The following CRISP1 variants were observed in gnomAD, a reference collection of about 807,000 sequenced individuals.
CRISP1 encodes the protein cysteine rich secretory protein 1.
In CRISP1, 44 loss-of-function variants were observed where a neutral mutation model predicts 33.1. That is an observed-to-expected ratio of 1.33 (90% CI 1.05 to 1.71). The LOEUF (loss-of-function observed/expected upper bound fraction) is 1.71. Among genes scored for constraint, CRISP1 ranks in the 40% most tolerant of loss-of-function variants. The pLI, the probability that CRISP1 is intolerant of heterozygous loss-of-function variation, is 0.00. For missense variants in CRISP1, 390 were observed against 301.2 expected, an observed-to-expected ratio of 1.29 and a Z score of -2.18; for synonymous variants, 103 against 98.7, an observed-to-expected ratio of 1.04 and a Z score of -0.26.
chr6:49,839,111 G>C (rs996536871), intron 6 of CRISP1, among the ~76,000 whole-genome samples: 1 of 151,908 alleles, frequency 6.6e-6, no homozygotes, highest in Non-Finnish European at 1.5e-5. Flanking sequence ...AAGTAGATGA[G>C]AAGTTCTAGT....
At chr6:49,843,171 A>G (rs972824452) in intron 5 of CRISP1, among the ~76,000 whole-genome samples, 3 of 152,160 alleles carry the variant, frequency 2.0e-5, no homozygotes, top group African/African-American at 2.4e-5. Context: ...TTAGATTTTT[A>G]GCTTTCTAGA....
intron 1 of CRISP1, among the ~76,000 whole-genome samples, chr6:49,863,336 TCTAGGAA>T (rs1387295063): frequency 6.6e-6 from 1 of 152,158 alleles, no homozygotes; most frequent in Non-Finnish European, 1.5e-5. Flanking sequence ...AGATTGCAAA[TCTAGGAA>T]CTAAGTAGGC....
upstream of CRISP1, among the ~76,000 whole-genome samples, chr6:49,869,577 A>G (rs567785026): frequency 6.6e-6 from 1 of 152,262 alleles, no homozygotes; most frequent in African/African-American, 2.4e-5. Flanking sequence ...TTAACTTTAA[A>G]TTCAGTTTTT....
chr6:49,867,727 G>A (rs969742902), upstream of CRISP1, among the ~76,000 whole-genome samples: 1 of 151,990 alleles, frequency 6.6e-6, no homozygotes, highest in Non-Finnish European at 1.5e-5. Context: ...TTTGGTTGAG[G>A]GAGATGGTGT....
chr6:49,855,321 T>C (rs1348914444), intron 2 of CRISP1, among the ~76,000 whole-genome samples: 8 of 152,184 alleles, frequency 5.3e-5, no homozygotes, highest in Admixed American at 5.2e-4. Context: ...TGGATTCACT[T>C]TACTGTTAGA....
intron 2 of CRISP1, among the ~76,000 whole-genome samples, chr6:49,853,951 A>G (rs886617759): frequency 1.3e-5 from 2 of 152,154 alleles, no homozygotes; most frequent in Non-Finnish European, 2.9e-5. Context: ...GACCTCAAAT[A>G]GTTCCTTAAC....
At chr6:49,862,465 A>G (rs941427286) in intron 1 of CRISP1, among the ~76,000 whole-genome samples, 8 of 151,996 alleles carry the variant, frequency 5.3e-5, no homozygotes, top group African/African-American at 1.7e-4. Context: ...TTTTGTCAAA[A>G]GTGTGTGAAA....
At chr6:49,874,026 G>A (rs2127480291) in intron 1 of CRISP1, among the ~76,000 whole-genome samples, 1 of 152,054 alleles carries the variant, frequency 6.6e-6, no homozygotes, top group African/African-American at 2.4e-5. Flanking sequence ...ATAGAAAATA[G>A]GATATATGCT....
In CRISP1 at chr6:49,834,357, A is replaced by G. The variant is rs1283427653; in HGVS notation, c.*959T>C. 6.6e-6 allele frequency: 1 copy of G among 151,850 alleles called. No homozygotes were observed. The highest frequency in any genetic ancestry group is 1.5e-5 in the Non-Finnish European group (1 of 67,964). The allele number at this position is 151,850 out of a possible 1,614,324, so 9.4% of individuals were successfully genotyped here. A position where few individuals can be genotyped will look rare whatever the true frequency, so the allele number is the denominator to read the frequency against. ...GTATAATGTTAAAATTTGACCAAGT[A>G]TTTTTAGCCTTCCCTTTCCCCATGT... On this transcript the variant is annotated 3_prime_UTR_variant, in exon 8 of 8. Transcript: ENST00000335847.
Position 49,834,821 on chromosome 6 carries a change from T to A in CRISP1, c.*495A>T, listed in dbSNP as rs1045033150. On this transcript the variant is annotated 3_prime_UTR_variant, in exon 8 of 8. Coordinates refer to ENST00000335847, the MANE Select transcript of CRISP1 (RefSeq NM_001131.3). ...AATGAGACATTTAAACTACTTCCAA[T>A]TAAATGATATTTACCTTGCAAGATG... 1 of 152,390 alleles carries A rather than the reference T, an allele frequency of 6.6e-6. No homozygotes were observed. Among genetic ancestry groups the A allele is most frequent in the Non-Finnish European group, 1.5e-5 (1 of 68,190 alleles). 9.4% of individuals were successfully genotyped at this position (152,390 alleles called of 1,614,324 possible). A position where few individuals can be genotyped will look rare whatever the true frequency, so the allele number is the denominator to read the frequency against.
intron 5 of CRISP1, among the ~76,000 whole-genome samples, chr6:49,843,353 T>C (rs1003065962): frequency 1.3e-5 from 2 of 152,212 alleles, no homozygotes; most frequent in African/African-American, 4.8e-5. Context: ...TTAATTTCTG[T>C]GATTATGCCT....
intron 4 of CRISP1, among the ~76,000 whole-genome samples, chr6:49,847,013 C>T (rs1210446962): frequency 6.6e-6 from 1 of 152,112 alleles, no homozygotes; most frequent in Non-Finnish European, 1.5e-5. Context: ...AAGCTACACA[C>T]AGGTGTTCAT....
intron 1 of CRISP1, among the ~76,000 whole-genome samples, chr6:49,876,361 G>A (rs993140443): frequency 6.6e-6 from 1 of 152,192 alleles, no homozygotes; most frequent in Non-Finnish European, 1.5e-5. Context: ...CAGTCAGAAT[G>A]GCTACTATTA....
upstream of CRISP1, among the ~76,000 whole-genome samples, chr6:49,870,730 T>C (rs1315670748): frequency 6.6e-6 from 1 of 152,200 alleles, no homozygotes; most frequent in Non-Finnish European, 1.5e-5. Flanking sequence ...TTATGAAGGA[T>C]ATTGTTTTCT....
intron 7 of CRISP1, among the ~76,000 whole-genome samples, chr6:49,836,632 C>T (rs1003805098): frequency 6.6e-6 from 1 of 152,124 alleles, no homozygotes; most frequent in African/African-American, 2.4e-5. Context: ...AGCCACCGCG[C>T]CCGGCCTACA....
At chr6:49,848,997 A>G (rs964083988) in intron 3 of CRISP1, among the ~76,000 whole-genome samples, 1 of 152,156 alleles carries the variant, frequency 6.6e-6, no homozygotes, top group African/African-American at 2.4e-5. Flanking sequence ...AATAACTGAC[A>G]AAATAAGAAT....
At chr6:49,843,515 T>A (rs1471758338) in intron 5 of CRISP1, among the ~76,000 whole-genome samples, 1 of 152,176 alleles carries the variant, frequency 6.6e-6, no homozygotes, top group East Asian at 1.9e-4. Flanking sequence ...AGAAGGAGAA[T>A]CCTCTCAAGA....
intron 2 of CRISP1, among the ~76,000 whole-genome samples, chr6:49,856,183 T>G (rs1364378534): frequency 1.3e-5 from 2 of 152,166 alleles, no homozygotes; most frequent in Non-Finnish European, 2.9e-5. Context: ...GATACTAATT[T>G]CTTCTTTCAC....
At chr6:49,845,129 T>A (rs1218156652) in intron 5 of CRISP1, among the ~76,000 whole-genome samples, 1 of 152,194 alleles carries the variant, frequency 6.6e-6, no homozygotes, top group Non-Finnish European at 1.5e-5. Flanking sequence ...CCAGTGTAGC[T>A]GTATCTGAAA....
Sources: gnomAD v4.1 joint callset for allele counts (sites outside exome capture counted in the v4.1 genomes callset) on GRCh38, gnomAD v4.1.1 for gene constraint, MANE v1.5 for transcripts, NCBI Gene and HGNC (gene_info 2026-07-23, HGNC 2026-07-21) for gene names.